Variants in MAN1C1 observed in about 807,000 individuals in gnomAD.
MAN1C1 encodes mannosidase alpha class 1C member 1, also known as mannosyl-oligosaccharide 1,2-alpha-mannosidase IC.
Under a neutral mutation model 71.5 loss-of-function variants are expected in MAN1C1, and 49 were observed. That is an observed-to-expected ratio of 0.69 (90% CI 0.54 to 0.87). The LOEUF (loss-of-function observed/expected upper bound fraction) is 0.87, where lower values mean the gene tolerates loss of function less well. Among genes scored for constraint, MAN1C1 ranks in the 40% least tolerant of loss-of-function variants. The probability of loss-of-function intolerance (pLI) is 0.00; values close to 1 mark genes in which losing one functional copy is unlikely to be tolerated. For synonymous variants in MAN1C1, 352 were observed against 343.7 expected, an observed-to-expected ratio of 1.02 and a Z score of -0.27; for missense variants, 743 against 835.0, an observed-to-expected ratio of 0.89 and a Z score of 1.36.
intron 1 of MAN1C1, among the ~76,000 whole-genome samples, chr1:25,627,884 A>T (rs1263799070): frequency 6.6e-6 from 1 of 151,826 alleles, no homozygotes; most frequent in Non-Finnish European, 1.5e-5. Flanking sequence ...AAAAAAAAAA[A>T]ATACAAAAAT....
At chr1:25,687,228 G>A (rs1484016402) in intron 2 of MAN1C1, among the ~76,000 whole-genome samples, 1 of 152,210 alleles carries the variant, frequency 6.6e-6, no homozygotes, top group Non-Finnish European at 1.5e-5. Context: ...GCCTGCTACT[G>A]CCTGGCAACT....
chr1:25,699,159 G>A (rs1048164698), intron 2 of MAN1C1, among the ~76,000 whole-genome samples: 1 of 152,078 alleles, frequency 6.6e-6, no homozygotes, highest in African/African-American at 2.4e-5. Context: ...AGTTAGTTGA[G>A]CTTGGTGGTA....
At chr1:25,732,182 G>T (rs1043607079) in intron 2 of MAN1C1, among the ~76,000 whole-genome samples, 1 of 152,118 alleles carries the variant, frequency 6.6e-6, no homozygotes, top group African/African-American at 2.4e-5. Flanking sequence ...GCTGCAGGGG[G>T]GCCTTGCTCC....
intron 2 of MAN1C1, among the ~76,000 whole-genome samples, chr1:25,738,658 G>T (rs2047015752): frequency 6.6e-6 from 1 of 152,196 alleles, no homozygotes; most frequent in Non-Finnish European, 1.5e-5. Context: ...GTATTATCTG[G>T]AAGCTTTTTG....
intron 2 of MAN1C1, among the ~76,000 whole-genome samples, chr1:25,694,501 C>T (rs2046345940): frequency 6.6e-6 from 1 of 152,210 alleles, no homozygotes; most frequent in South Asian, 2.1e-4. Context: ...AGATCACAGG[C>T]TGGGAATGTT....
At chr1:25,623,461 G>GT (rs945089573) in intron 1 of MAN1C1, among the ~76,000 whole-genome samples, 3 of 151,836 alleles carry the variant, frequency 2.0e-5, no homozygotes, top group Admixed American at 6.6e-5. Flanking sequence ...TGGTGGGGGG[G>GT]GGTAAGAATA....
intron 6 of MAN1C1, 112 bp downstream of exon 6, chr1:25,758,821 G>A: frequency 1.1e-6 from 1 of 940,044 alleles, no homozygotes; most frequent in South Asian, 1.4e-5. Flanking sequence ...GGAGGGCAGT[G>A]GGGAGCCCGG....
chr1:25,637,126 G>A (rs924578289), intron 1 of MAN1C1, among the ~76,000 whole-genome samples: 1 of 151,984 alleles, frequency 6.6e-6, no homozygotes, highest in Non-Finnish European at 1.5e-5. Context: ...CTGCACTCCA[G>A]CCTGGGCAAC....
At chr1:25,724,502 A>G (rs1359140616) in intron 2 of MAN1C1, among the ~76,000 whole-genome samples, 1 of 151,080 alleles carries the variant, frequency 6.6e-6, no homozygotes, top group East Asian at 1.9e-4. Flanking sequence ...ACAAGAAAGC[A>G]AGCAGAAACA....
Position 25,746,819 on chromosome 1 carries a change from G to GGGCCGGC in MAN1C1, c.753+40_753+41insGGCGGCC. ...GGCCCTCGGCGGGGGAGGGGGGCGG[G>GGGCCGGC]GGCCAGAAGAGGCCCAACAGCCAGC... On this transcript the variant is annotated intron_variant, in intron 3 of 11. Coordinates refer to ENST00000374332, the MANE Select transcript of MAN1C1 (RefSeq NM_020379.4). This position sits in a 1 kb window ranked among gnomAD's most constrained non-coding sequence, Gnocchi z 4.0. 4.1e-6 allele frequency: 3 copies of GGGCCGGC among 725,084 alleles called. No homozygotes were observed. The highest frequency in any genetic ancestry group is 1.8e-5 in the African/African-American group (1 of 54,736). 44.9% of individuals were successfully genotyped at this position (725,084 alleles called of 1,614,324 possible). A position where few individuals can be genotyped will look rare whatever the true frequency, so the allele number is the denominator to read the frequency against.
At chr1:25,717,123 C>G (rs554877379) in intron 2 of MAN1C1, among the ~76,000 whole-genome samples, 1 of 152,314 alleles carries the variant, frequency 6.6e-6, no homozygotes, top group Non-Finnish European at 1.5e-5. Context: ...TGAACATTCA[C>G]AAGCAGTTTT....
At position 25,617,370 on chromosome 1, in the gene MAN1C1, G is replaced by A. The variant is rs2045115500; in HGVS notation, c.-428G>A. ...ACCAGCGCGGGCGGGAGCCTAGGGG[G>A]CGGAGGGCGGCTTGGTGCGGGCCTG... On this transcript the variant is annotated 5_prime_UTR_variant, in exon 1 of 12. Transcript: ENST00000374332. The surrounding 1 kb of genome is among the most constrained non-coding windows in gnomAD (Gnocchi z 5.1). 6.6e-6 allele frequency: 1 copy of A among 151,558 alleles called. No homozygotes were observed. Among genetic ancestry groups the A allele is most frequent in the Non-Finnish European group, 1.5e-5 (1 of 67,986 alleles). The allele number at this position is 151,558 out of a possible 1,614,324, so 9.4% of individuals were successfully genotyped here.
chr1:25,616,992 A>G lies in MAN1C1; in HGVS notation c.-806A>G, dbSNP rs866539523. 7.0e-3 allele frequency among the ~76,000 whole-genome samples: 1,022 copies of G among 146,622 alleles called. 8 individuals carry two copies. Among genetic ancestry groups the G allele is most frequent in the African/African-American group, 0.022 (858 of 39,506 alleles). ...GCCGGGAACAGGTGATCCCAGTGGG[A>G]GCCCCGCGCCCTGCCGAGTTCGAGG... On this transcript the variant is annotated 5_prime_UTR_variant, in exon 1 of 12. Transcript: ENST00000374332. The surrounding 1 kb of genome is among the most constrained non-coding windows in gnomAD (Gnocchi z 5.6).
chr1:25,631,248 A>G lies in MAN1C1; in HGVS notation c.540+12911A>G, dbSNP rs3014693. On this transcript the variant is annotated intron_variant, in intron 1 of 11. Coordinates refer to ENST00000374332, the MANE Select transcript of MAN1C1 (RefSeq NM_020379.4). This position sits in a 1 kb window ranked among gnomAD's most constrained non-coding sequence, Gnocchi z 4.2. The stretch of plus-strand genomic sequence containing the variant: ...CTCCCAAAGTGCTAGGATTACAGGC[A>G]TGAGCCACCGCACCCAGCCCAGTGC... 0.44 allele frequency among the ~76,000 whole-genome samples: 67,555 copies of G among 152,074 alleles called. 20,032 individuals are homozygous for G. Among genetic ancestry groups the G allele is most frequent in the African/African-American group, 0.83 (34,272 of 41,480 alleles).
intron 2 of MAN1C1, among the ~76,000 whole-genome samples, chr1:25,691,724 A>G (rs1156301800): frequency 1.3e-5 from 2 of 152,058 alleles, no homozygotes; most frequent in Non-Finnish European, 2.9e-5. Context: ...TCAAATGCCC[A>G]TGGCAGAAAT....
chr1:25,773,189 AATGAATGCATGGGTGC>A (rs2047576641), intron 8 of MAN1C1, among the ~76,000 whole-genome samples: 1 of 152,166 alleles, frequency 6.6e-6, no homozygotes, highest in African/African-American at 2.4e-5. Flanking sequence ...TTTGTGAATG[AATGAATGCATGGGTGC>A]ATGAATGCTG....
chr1:25,782,518 C>A lies in MAN1C1; in HGVS notation c.1651-67C>A. 1 of 1,083,712 alleles carries A rather than the reference C, an allele frequency of 9.2e-7. No individual in the cohort carries two copies. The highest frequency in any genetic ancestry group is 1.4e-6 in the Non-Finnish European group (1 of 705,170). The allele number at this position is 1,083,712 out of a possible 1,614,324, so 67.1% of individuals were successfully genotyped here. A position where few individuals can be genotyped will look rare whatever the true frequency, so the allele number is the denominator to read the frequency against. On this transcript the variant is annotated intron_variant, in intron 10 of 11. Coordinates refer to ENST00000374332, the MANE Select transcript of MAN1C1 (RefSeq NM_020379.4). This position sits in a 1 kb window ranked among gnomAD's most constrained non-coding sequence, Gnocchi z 4.4. ...CTAGCTCCAGCCTGCCAGGCATGCA[C>A]AAGTCTTGAGGGGCCTTTCCTGTCC...
Position 25,743,131 on chromosome 1 carries a change from T to C in MAN1C1, c.638-3537T>C, listed in dbSNP as rs1490949175. Reference sequence around the variant, plus strand: ...GTCCAGTGGTCTTAACCTCATTTTATAGATGAGAACTTTGATGCTTAGAGC... The same window carrying C: ...GTCCAGTGGTCTTAACCTCATTTTACAGATGAGAACTTTGATGCTTAGAGC... On this transcript the variant is annotated intron_variant, in intron 2 of 11. Transcript: ENST00000374332. Among the ~76,000 whole-genome samples the C allele has an allele frequency of 3.9e-5, 6 of 152,358 alleles. No individual in the cohort carries two copies. In the East Asian group the frequency reaches 7.7e-4, roughly 20 times the overall value.
At chr1:25,656,255 GC>G (rs1342322731) in intron 1 of MAN1C1, among the ~76,000 whole-genome samples, 5 of 151,490 alleles carry the variant, frequency 3.3e-5, no homozygotes, top group Admixed American at 3.3e-4. Flanking sequence ...GCACCACCAT[GC>G]CCCGCTAATT....
Sources: allele counts gnomAD v4.1 joint callset (sites outside exome capture counted in the v4.1 genomes callset), GRCh38; gene constraint gnomAD v4.1.1; non-coding constraint Gnocchi (gnomAD v3.1); transcripts MANE v1.5; gene names NCBI Gene and HGNC (gene_info 2026-07-23, HGNC 2026-07-21).